The following AMOTL1 variants were observed in gnomAD, a reference collection of about 807,000 sequenced individuals.
The protein encoded by AMOTL1 is angiomotin-like protein 1.
AMOTL1 carries 45 observed loss-of-function variants against 102.9 expected under a neutral mutation model. That is an observed-to-expected ratio of 0.44 (90% CI 0.34 to 0.56). The LOEUF (loss-of-function observed/expected upper bound fraction) is 0.56, where lower values mean the gene tolerates loss of function less well. Ranked by LOEUF, AMOTL1 falls within the 20% of genes least tolerant of loss-of-function variation. The pLI, the probability that AMOTL1 is intolerant of heterozygous loss-of-function variation, is 0.01. For missense variants in AMOTL1, 1,114 were observed against 1,225.6 expected, an observed-to-expected ratio of 0.91 and a Z score of 1.36; for synonymous variants, 481 against 484.7, an observed-to-expected ratio of 0.99 and a Z score of 0.10.
intron 1 of AMOTL1, among the ~76,000 whole-genome samples, chr11:94,785,214 A>C (rs896544573): frequency 1.3e-5 from 2 of 152,204 alleles, no homozygotes; most frequent in African/African-American, 4.8e-5. Flanking sequence ...ATTTCATTAC[A>C]ACTCTCCTAA....
intron 2 of AMOTL1, among the ~76,000 whole-genome samples, chr11:94,798,768 C>T (rs1951412735): frequency 6.6e-6 from 1 of 152,012 alleles, no homozygotes; most frequent in Non-Finnish European, 1.5e-5. Context: ...GGAGGGGTGA[C>T]CTGGAGGCCG....
At chr11:94,771,944 T>C (rs1474981957) in intron 1 of AMOTL1, among the ~76,000 whole-genome samples, 2 of 152,254 alleles carry the variant, frequency 1.3e-5, no homozygotes, top group Non-Finnish European at 2.9e-5. Context: ...TGTTTAAACC[T>C]GTGTTTGAGA....
intron 1 of AMOTL1, among the ~76,000 whole-genome samples, chr11:94,723,709 AGAG>A (rs1426239875): frequency 6.6e-6 from 1 of 152,186 alleles, no homozygotes; most frequent in Non-Finnish European, 1.5e-5. Flanking sequence ...CATTTTAGAC[AGAG>A]GAGGAGTCTA....
At chr11:94,731,216 A>G (rs2135459917) in intron 2 of AMOTL1, among the ~76,000 whole-genome samples, 1 of 152,364 alleles carries the variant, frequency 6.6e-6, no homozygotes, top group African/African-American at 2.4e-5. Context: ...AACAGATACC[A>G]TAATATCTGG....
At chr11:94,805,624 G>C (rs1178065089) in intron 3 of AMOTL1, among the ~76,000 whole-genome samples, 1 of 152,062 alleles carries the variant, frequency 6.6e-6, no homozygotes, top group South Asian at 2.1e-4. Context: ...TGCCTTTTTG[G>C]CCTTTATCTT....
chr11:94,735,431 G>C (rs1950424140), intron 2 of AMOTL1, among the ~76,000 whole-genome samples: 1 of 152,242 alleles, frequency 6.6e-6, no homozygotes, highest in Admixed American at 6.5e-5. Context: ...CGAGGGAGCT[G>C]ATTGAGTTTT....
intron 1 of AMOTL1, among the ~76,000 whole-genome samples, chr11:94,779,789 C>T (rs1351199521): frequency 6.6e-6 from 1 of 151,862 alleles, no homozygotes; most frequent in East Asian, 1.9e-4. Flanking sequence ...AAAAATTATC[C>T]AGTTATCTGT....
intron 2 of AMOTL1, among the ~76,000 whole-genome samples, chr11:94,737,432 G>A (rs545615957): frequency 3.9e-5 from 6 of 152,282 alleles, no homozygotes; most frequent in South Asian, 2.1e-4. Flanking sequence ...AATAACTAAT[G>A]TTTATTTGAC....
chr11:94,854,480 A>G (rs1049133880), intron 8 of AMOTL1, among the ~76,000 whole-genome samples: 2 of 152,200 alleles, frequency 1.3e-5, no homozygotes, highest in Non-Finnish European at 2.9e-5. Flanking sequence ...AGCAGGGTGC[A>G]GGTAGCTAGG....
At chr11:94,725,616 G>T (rs1950245174) in intron 1 of AMOTL1, among the ~76,000 whole-genome samples, 1 of 152,068 alleles carries the variant, frequency 6.6e-6, no homozygotes, top group South Asian at 2.1e-4. Context: ...CTATAATGAG[G>T]TAAGCACAGG....
chr11:94,804,710 T>C (rs1951539003), intron 3 of AMOTL1, among the ~76,000 whole-genome samples: 1 of 151,674 alleles, frequency 6.6e-6, no homozygotes, highest in Non-Finnish European at 1.5e-5. Context: ...TTTGTGTTTC[T>C]TGTTCCTAAG....
Position 94,873,271 on chromosome 11 carries a change from T to C in AMOTL1, c.*2476T>C, listed in dbSNP as rs1953036657. On this transcript the variant is annotated 3_prime_UTR_variant, in exon 13 of 13. Coordinates refer to ENST00000433060, the MANE Select transcript of AMOTL1 (RefSeq NM_130847.3). Reference sequence around the variant, plus strand: ...CATTGTATTTTGGACTTTGACCGTATTTTTTTTCTCTTAACCTACTGAGAC... The same window carrying C: ...CATTGTATTTTGGACTTTGACCGTACTTTTTTTCTCTTAACCTACTGAGAC... The C allele has an allele frequency of 6.6e-6, 1 of 152,000 alleles. No homozygotes were observed. Among genetic ancestry groups the C allele is most frequent in the Admixed American group, 6.6e-5 (1 of 15,254 alleles). 9.4% of individuals were successfully genotyped at this position (152,000 alleles called of 1,614,324 possible).
At chr11:94,734,621 C>T (rs1412122805) in intron 2 of AMOTL1, among the ~76,000 whole-genome samples, 1 of 152,142 alleles carries the variant, frequency 6.6e-6, no homozygotes, top group African/African-American at 2.4e-5. Flanking sequence ...AGCCTTAGCC[C>T]CTCTTCCCTC....
intron 9 of AMOTL1, among the ~76,000 whole-genome samples, chr11:94,863,549 G>A (rs760184695): frequency 8.6e-5 from 13 of 151,828 alleles, no homozygotes; most frequent in Admixed American, 4.6e-4. Context: ...CTGAGATCAC[G>A]CCACTGCACT....
chr11:94,821,825 C>G lies in AMOTL1; in HGVS notation c.1413+4C>G. On this transcript the variant is annotated splice_donor_region_variant and intron_variant, in intron 4 of 12. Coordinates refer to ENST00000433060, the MANE Select transcript of AMOTL1 (RefSeq NM_130847.3). ...CAATGCCGACAAGCTCCACAAGGTG[C>G]GTGACTTCCCTGGGGAATGGGAGGG... The G allele has an allele frequency of 6.2e-7, 1 of 1,612,164 alleles. No homozygotes were observed. The highest frequency in any genetic ancestry group is 8.5e-7 in the Non-Finnish European group (1 of 1,178,508).
chr11:94,738,150 C>T (rs1018219557), intron 2 of AMOTL1, among the ~76,000 whole-genome samples: 3 of 152,026 alleles, frequency 2.0e-5, no homozygotes, highest in East Asian at 1.9e-4. Context: ...AACAAGAGAG[C>T]GGGAGAGTAA....
intron 1 of AMOTL1, among the ~76,000 whole-genome samples, chr11:94,723,819 A>G (rs1950212922): frequency 6.6e-6 from 1 of 152,160 alleles, no homozygotes; most frequent in African/African-American, 2.4e-5. Context: ...AACAAGTGTA[A>G]GATTATTGTA....
At chr11:94,723,956 C>A (rs1237270346) in intron 1 of AMOTL1, among the ~76,000 whole-genome samples, 3 of 152,098 alleles carry the variant, frequency 2.0e-5, no homozygotes, top group Non-Finnish European at 4.4e-5. Context: ...CAGAACCAAA[C>A]CCTTGGAGCA....
At chr11:94,786,601 A>G (rs945290466) in intron 1 of AMOTL1, among the ~76,000 whole-genome samples, 3 of 151,708 alleles carry the variant, frequency 2.0e-5, no homozygotes, top group African/African-American at 7.3e-5. Context: ...CTTTTTTATT[A>G]TTATTATTAC....
Sources: allele counts gnomAD v4.1 joint callset (sites outside exome capture counted in the v4.1 genomes callset), GRCh38; gene constraint gnomAD v4.1.1; transcripts MANE v1.5; gene names NCBI Gene and HGNC (gene_info 2026-07-23, HGNC 2026-07-21).